Variants in SLC39A10 observed in about 807,000 individuals in gnomAD.
SLC39A10 encodes the protein zinc transporter ZIP10.
In SLC39A10, 13 loss-of-function variants were observed where a neutral mutation model predicts 65.1. That is an observed-to-expected ratio of 0.20 (90% CI 0.13 to 0.32). SLC39A10 has a LOEUF of 0.32. SLC39A10 is among the 10% of genes least tolerant of loss of function. SLC39A10 has a pLI of 1.00. For synonymous variants in SLC39A10, 321 were observed against 342.2 expected, an observed-to-expected ratio of 0.94 and a Z score of 0.68; for missense variants, 831 against 1,018.4, an observed-to-expected ratio of 0.82 and a Z score of 2.50.
rs73987219 is a variant in SLC39A10 at position 195,623,553 on chromosome 2, C to T, written c.-12+17320C>T. On this transcript the variant is annotated intron_variant, in intron 2 of 2. Transcript: ENST00000458054. ...ACAAATAACTGGTACTCCACAGTTACAATCTTAATGTGATTTTTACCTTGA... is the reference window on the plus strand; with the variant it reads ...ACAAATAACTGGTACTCCACAGTTATAATCTTAATGTGATTTTTACCTTGA... Among the ~76,000 whole-genome samples the T allele has an allele frequency of 9.9e-3, 1,502 of 152,262 alleles. 27 individuals are homozygous for T. The highest frequency in any genetic ancestry group is 0.033 in the African/African-American group (1,390 of 41,530).
chr2:195,684,920 AAC>A (rs1690466132), intron 3 of SLC39A10, among the ~76,000 whole-genome samples: 1 of 152,144 alleles, frequency 6.6e-6, no homozygotes, highest in Non-Finnish European at 1.5e-5. Context: ...TATTTACTTA[AAC>A]ACATATCGCA....
At chr2:195,662,645 C>CT (rs1689452324) in intron 1 of SLC39A10, among the ~76,000 whole-genome samples, 1 of 152,074 alleles carries the variant, frequency 6.6e-6, no homozygotes, top group Non-Finnish European at 1.5e-5. Flanking sequence ...CACCTCTAGG[C>CT]TTTTTTCTAA....
At position 195,689,322 on chromosome 2, in the gene SLC39A10, G is replaced by A. The variant is rs377076924; in HGVS notation, c.1216+5416G>A. Among the ~76,000 whole-genome samples the A allele has an allele frequency of 1.3e-4, 20 of 151,988 alleles. No individual in the cohort carries two copies. The East Asian group carries it at 1.5e-3, about 12-fold the overall frequency. The stretch of plus-strand genomic sequence containing the variant: ...CGGTGGTCCCACCTACTTAGGAGGC[G>A]GAGGCAGGAGGATGACCTTAGCGTG... On this transcript the variant is annotated intron_variant, in intron 3 of 9. Coordinates refer to ENST00000359634, the MANE Select transcript of SLC39A10 (RefSeq NM_020342.3).
chr2:195,696,257 G>A (rs1559038348), intron 3 of SLC39A10, among the ~76,000 whole-genome samples: 1 of 150,800 alleles, frequency 6.6e-6, no homozygotes, highest in African/African-American at 2.4e-5. Context: ...AGTTTATCTT[G>A]GCTATTTTGG....
intron 2 of SLC39A10, among the ~76,000 whole-genome samples, chr2:195,624,695 C>T (rs148366069): frequency 0.016 from 2,325 of 148,268 alleles, 48 homozygotes; most frequent in African/African-American, 0.055. Context: ...GCCAACATGG[C>T]GAAACCCCAC....
intron 3 of SLC39A10, among the ~76,000 whole-genome samples, chr2:195,690,789 C>T (rs4850373): frequency 0.71 from 108,006 of 152,092 alleles, 38,445 homozygotes; most frequent in Non-Finnish European, 0.73. Context: ...GATATATGAT[C>T]TGCAAATATT....
upstream of SLC39A10, among the ~76,000 whole-genome samples, chr2:195,652,547 TAAA>T (rs746583732): frequency 1.6e-5 from 2 of 123,806 alleles, no homozygotes; most frequent in Non-Finnish European, 1.7e-5. Context: ...AGACTCATCT[TAAA>T]AAAAAAAAAA....
At chr2:195,650,141 G>C (rs1574221212) in intron 2 of SLC39A10, among the ~76,000 whole-genome samples, 1 of 152,146 alleles carries the variant, frequency 6.6e-6, no homozygotes, top group East Asian at 1.9e-4. Context: ...AATTAGCCGG[G>C]CATGGTGGTG....
intron 8 of SLC39A10, among the ~76,000 whole-genome samples, chr2:195,719,616 CTTT>C (rs572735239): frequency 7.1e-6 from 1 of 140,954 alleles, no homozygotes. Context: ...CATTAACTTT[CTTT>C]TTTTTTTTTT....
At chr2:195,718,019 G>C (rs1294486972) in intron 7 of SLC39A10, among the ~76,000 whole-genome samples, 1 of 152,150 alleles carries the variant, frequency 6.6e-6, no homozygotes, top group African/African-American at 2.4e-5. Flanking sequence ...TACAAAAATA[G>C]AGAATTAAAT....
At chr2:195,625,317 C>G (rs995085717) in intron 2 of SLC39A10, among the ~76,000 whole-genome samples, 1 of 150,894 alleles carries the variant, frequency 6.6e-6, no homozygotes, top group African/African-American at 2.4e-5. Flanking sequence ...CTCTTGTTGC[C>G]CAGGCTGGAG....
intron 1 of SLC39A10, among the ~76,000 whole-genome samples, chr2:195,670,101 G>A (rs1187895426): frequency 6.6e-6 from 1 of 152,186 alleles, no homozygotes; most frequent in Non-Finnish European, 1.5e-5. Context: ...GGAGGTTGCA[G>A]TGAGCGGAGA....
intron 2 of SLC39A10, among the ~76,000 whole-genome samples, chr2:195,633,731 C>T (rs1688641120): frequency 6.6e-6 from 1 of 152,208 alleles, no homozygotes; most frequent in Non-Finnish European, 1.5e-5. Flanking sequence ...TGCTGGACTC[C>T]ACTCTGAAGT....
upstream of SLC39A10, among the ~76,000 whole-genome samples, chr2:195,654,406 T>G (rs1311657368): frequency 6.6e-6 from 1 of 152,194 alleles, no homozygotes; most frequent in Non-Finnish European, 1.5e-5. Flanking sequence ...TCTTTTGTAT[T>G]AATAGTTGGT....
intron 5 of SLC39A10, among the ~76,000 whole-genome samples, chr2:195,712,863 T>C (rs1691648341): frequency 6.6e-6 from 1 of 152,232 alleles, no homozygotes; most frequent in Non-Finnish European, 1.5e-5. Flanking sequence ...AGTCACTTAC[T>C]GTGATAGGTC....
chr2:195,713,592 T>G (rs761430123), intron 6 of SLC39A10, 39 bp downstream of exon 6: 4 of 1,536,692 alleles, frequency 2.6e-6, no homozygotes, highest in Non-Finnish European at 3.5e-6. Flanking sequence ...CTTTTTTCTT[T>G]TTTTTTTTTC....
At chr2:195,643,698 C>G (rs752498678) in intron 2 of SLC39A10, among the ~76,000 whole-genome samples, 7 of 152,186 alleles carry the variant, frequency 4.6e-5, no homozygotes, top group Non-Finnish European at 1.0e-4. Flanking sequence ...CTGAATTTCT[C>G]AGTCTCCTTC....
At chr2:195,667,863 A>G (rs1468818250) in intron 1 of SLC39A10, among the ~76,000 whole-genome samples, 1 of 152,252 alleles carries the variant, frequency 6.6e-6, no homozygotes, top group African/African-American at 2.4e-5. Context: ...AATAGCTTGC[A>G]CTTAAATAAC....
chr2:195,714,252 T>C (rs1365645060), intron 6 of SLC39A10, among the ~76,000 whole-genome samples: 4 of 152,132 alleles, frequency 2.6e-5, no homozygotes, highest in African/African-American at 9.7e-5. Context: ...TTATGATAGT[T>C]TGTCTAGCTT....
Sources: allele counts gnomAD v4.1 joint callset (sites outside exome capture counted in the v4.1 genomes callset), GRCh38; gene constraint gnomAD v4.1.1; transcripts MANE v1.5; gene names NCBI Gene and HGNC (gene_info 2026-07-23, HGNC 2026-07-21).